Variants in DOCK2 observed in about 807,000 individuals in gnomAD.
DOCK2 encodes dedicator of cytokinesis protein 2.
DOCK2 carries 87 observed loss-of-function variants against 248.9 expected under a neutral mutation model. That is an observed-to-expected ratio of 0.35 (90% CI 0.29 to 0.42). The LOEUF (loss-of-function observed/expected upper bound fraction) is 0.42, where lower values mean the gene tolerates loss of function less well. DOCK2 is among the 10% of genes least tolerant of loss of function. The pLI, the probability that DOCK2 is intolerant of heterozygous loss-of-function variation, is 1.00. For missense variants in DOCK2, 1,747 were observed against 2,300.2 expected, an observed-to-expected ratio of 0.76 and a Z score of 4.92; for synonymous variants, 805 against 821.6, an observed-to-expected ratio of 0.98 and a Z score of 0.35.
At chr5:170,030,950 A>G (rs1756113426) in intron 34 of DOCK2, among the ~76,000 whole-genome samples, 1 of 152,190 alleles carries the variant, frequency 6.6e-6, no homozygotes, top group Admixed American at 6.5e-5. Flanking sequence ...TAGGAACACA[A>G]GGTTTAAGGC....
intron 25 of DOCK2, among the ~76,000 whole-genome samples, chr5:169,794,741 G>A (rs1487599461): frequency 1.3e-5 from 2 of 152,096 alleles, no homozygotes; most frequent in South Asian, 2.1e-4. Flanking sequence ...TGGCTAACAC[G>A]GTGAAACCCG....
chr5:169,800,207 T>G, intron 25 of DOCK2, among the ~76,000 whole-genome samples: 1 of 152,222 alleles, frequency 6.6e-6, no homozygotes, highest in East Asian at 1.9e-4. Flanking sequence ...ATTTTTGTCA[T>G]CTATAATTTT....
intron 27 of DOCK2, among the ~76,000 whole-genome samples, chr5:169,925,010 A>G (rs957896271): frequency 2.6e-5 from 4 of 151,976 alleles, no homozygotes. Flanking sequence ...CAGAGTATTG[A>G]CTCAAGTAAT....
chr5:169,754,541 G>C (rs977349930), intron 23 of DOCK2, among the ~76,000 whole-genome samples: 14 of 152,184 alleles, frequency 9.2e-5, no homozygotes, highest in African/African-American at 3.4e-4. Context: ...CAGAAGAACT[G>C]CACTTTATTT....
intron 27 of DOCK2, among the ~76,000 whole-genome samples, chr5:169,858,514 C>T (rs933399995): frequency 2.0e-5 from 3 of 152,044 alleles, no homozygotes; most frequent in East Asian, 1.9e-4. Flanking sequence ...AGACAAACAC[C>T]GGAAGGGCCT....
intron 2 of DOCK2, among the ~76,000 whole-genome samples, chr5:169,655,219 C>T (rs1561572184): frequency 6.6e-6 from 1 of 152,204 alleles, no homozygotes; most frequent in Non-Finnish European, 1.5e-5. Flanking sequence ...CAGGCTCCCA[C>T]CCCTCACTGG....
chr5:170,043,412 C>G (rs968208837), intron 38 of DOCK2, among the ~76,000 whole-genome samples: 1 of 152,218 alleles, frequency 6.6e-6, no homozygotes, highest in Non-Finnish European at 1.5e-5. Context: ...TCCACCGCTT[C>G]CTCTCCCAAG....
At chr5:169,952,258 A>G (rs1170677060) in intron 27 of DOCK2, among the ~76,000 whole-genome samples, 2 of 152,190 alleles carry the variant, frequency 1.3e-5, no homozygotes, top group Non-Finnish European at 2.9e-5. Flanking sequence ...TTTTTATTCT[A>G]TCAACTCGTC....
At chr5:170,031,162 G>A (rs1369179830) in intron 34 of DOCK2, among the ~76,000 whole-genome samples, 3 of 152,190 alleles carry the variant, frequency 2.0e-5, no homozygotes, top group Admixed American at 1.3e-4. Flanking sequence ...TCATTCCTGC[G>A]AATAGTTCTA....
intron 27 of DOCK2, among the ~76,000 whole-genome samples, chr5:169,866,863 C>A (rs371333329): frequency 6.6e-6 from 1 of 152,210 alleles, no homozygotes. Context: ...TTTCTCCCCA[C>A]TACCAAGCAG....
At chr5:170,008,230 A>C (rs950512181) in intron 30 of DOCK2, among the ~76,000 whole-genome samples, 1 of 107,712 alleles carries the variant, frequency 9.3e-6, no homozygotes, top group Admixed American at 9.9e-5. Flanking sequence ...AACAACAAAA[A>C]AAAAAAAACC....
At chr5:170,056,637 C>A in intron 42 of DOCK2, 47 bp from the exon 43 acceptor site, 1 of 1,550,728 alleles carries the variant, frequency 6.4e-7, no homozygotes, top group Admixed American at 1.7e-5. Flanking sequence ...CGGGTGTCAG[C>A]AGCCGGGGAT....
At chr5:169,783,489 T>G (rs1765820432) in intron 25 of DOCK2, among the ~76,000 whole-genome samples, 1 of 152,206 alleles carries the variant, frequency 6.6e-6, no homozygotes, top group African/African-American at 2.4e-5. Context: ...TAAATAACAA[T>G]GCTCAACACA....
intron 25 of DOCK2, among the ~76,000 whole-genome samples, chr5:169,766,322 A>G (rs949985257): frequency 6.6e-6 from 1 of 152,114 alleles, no homozygotes; most frequent in Non-Finnish European, 1.5e-5. Context: ...AACATGCGGC[A>G]TTTGGTTTTC....
intron 27 of DOCK2, among the ~76,000 whole-genome samples, chr5:169,926,177 C>A (rs1389356944): frequency 6.6e-6 from 1 of 152,106 alleles, no homozygotes; most frequent in Non-Finnish European, 1.5e-5. Flanking sequence ...CTATAGTCGG[C>A]ATGGATGTGG....
intron 27 of DOCK2, among the ~76,000 whole-genome samples, chr5:169,845,743 A>G (rs907816745): frequency 6.6e-6 from 1 of 152,154 alleles, no homozygotes; most frequent in African/African-American, 2.4e-5. Context: ...ATTAGTCTCA[A>G]TGACTTTGGA....
chr5:169,885,555 C>T (rs1183480040), intron 27 of DOCK2, among the ~76,000 whole-genome samples: 1 of 152,198 alleles, frequency 6.6e-6, no homozygotes, highest in Non-Finnish European at 1.5e-5. Flanking sequence ...GATAAATGTG[C>T]ATGAACTTCT....
chr5:169,688,208 G>A (rs1186706015), intron 8 of DOCK2, among the ~76,000 whole-genome samples: 2 of 152,230 alleles, frequency 1.3e-5, no homozygotes, highest in African/African-American at 4.8e-5. Flanking sequence ...TTACAGGCAT[G>A]AGCCACTGTG....
chr5:169,923,483 GCA>G (rs34053722), intron 27 of DOCK2, among the ~76,000 whole-genome samples: 93,126 of 148,722 alleles, frequency 0.63, 29,030 homozygotes, highest in East Asian at 0.78. Flanking sequence ...ATGCACGTGG[GCA>G]CACACACACA....
Sources: allele counts gnomAD v4.1 joint callset (sites outside exome capture counted in the v4.1 genomes callset), GRCh38; gene constraint gnomAD v4.1.1; transcripts MANE v1.5; gene names NCBI Gene and HGNC (gene_info 2026-07-23, HGNC 2026-07-21).